The following LFNG variants were observed in gnomAD, a reference collection of about 807,000 sequenced individuals.
The protein encoded by LFNG is beta-1,3-N-acetylglucosaminyltransferase lunatic fringe.
LFNG carries 15 observed loss-of-function variants against 32.7 expected under a neutral mutation model. That is an observed-to-expected ratio of 0.46 (90% confidence interval 0.31 to 0.71). The LOEUF (loss-of-function observed/expected upper bound fraction) is 0.71. LFNG is among the 30% of genes least tolerant of loss of function. LFNG has a pLI of 0.06. For missense variants in LFNG, 520 were observed against 545.7 expected, an observed-to-expected ratio of 0.95 and a Z score of 0.47; for synonymous variants, 274 against 246.8, an observed-to-expected ratio of 1.11 and a Z score of -1.03.
In LFNG at chr7:2,526,561, G is replaced by A. The variant is rs1453100172; in HGVS notation, c.987+152G>A. On this transcript the variant is annotated intron_variant, in intron 6 of 7. Transcript: ENST00000222725. The surrounding 1 kb of genome is among the most constrained non-coding windows in gnomAD (Gnocchi z 6.9). The stretch of plus-strand genomic sequence containing the variant: ...CCAGGGGGGGTCACTCCTGCCATGA[G>A]CTCAAAGCTGTTTATGGCGGGTTGT... 5.9e-6 allele frequency: 5 copies of A among 853,730 alleles called. No individual in the cohort carries two copies. Among genetic ancestry groups the A allele is most frequent in the Non-Finnish European group, 9.2e-6 (5 of 543,100 alleles). 52.9% of individuals were successfully genotyped at this position (853,730 alleles called of 1,614,324 possible).
At chr7:2,517,753 T>C (rs751290732), upstream of LFNG, 2 of 649,490 alleles carry the variant, frequency 3.1e-6, no homozygotes, top group East Asian at 1.3e-4. Flanking sequence ...TTGGCCATGC[T>C]TGGCTGCAGG....
chr7:2,515,096 G>A (rs1027413069), upstream of LFNG, among the ~76,000 whole-genome samples: 4 of 141,082 alleles, frequency 2.8e-5, no homozygotes, highest in East Asian at 2.1e-4. Context: ...CCATCCATCC[G>A]TCTGTCTGTC....
Position 2,526,894 on chromosome 7 carries a change from C to T in LFNG, c.1046C>T (p.Pro349Leu). Residue 349 changes from proline (P) to leucine (L), a missense_variant, in exon 7 of 8, where the codon CCC becomes CTC. Around this residue, in one of 3 missense-constraint regions of LFNG, gnomAD observed 150 missense variants for 159.9 expected, o/e 0.94. Transcript: ENST00000222725. The surrounding 1 kb of genome is among the most constrained non-coding windows in gnomAD (Gnocchi z 6.9). ...CGGAACGCCGTCCACGTGAAGGGGC[C>T]CTTCTCGGTGGAGGCCGACCCATCC... Reference protein sequence around the residue: ...NKRNAVHVKGPFSVEADPSRF... With the variant: ...NKRNAVHVKGLFSVEADPSRF... 2 of 1,612,674 alleles carry T rather than the reference C, an allele frequency of 1.2e-6. No individual in the cohort carries two copies. The highest frequency in any genetic ancestry group is 1.7e-6 in the Non-Finnish European group (2 of 1,179,948).
chr7:2,522,986 C>G (rs1347491481), intron 1 of LFNG, among the ~76,000 whole-genome samples: 2 of 152,322 alleles, frequency 1.3e-5, no homozygotes, highest in Admixed American at 1.3e-4. Flanking sequence ...CGACCGGCAC[C>G]CCCGCACCCC....
At chr7:2,517,925 G>C (rs117336489), upstream of LFNG, 7 of 1,154,994 alleles carry the variant, frequency 6.1e-6, no homozygotes, top group Non-Finnish European at 6.5e-6. Flanking sequence ...CAGCTGCTGC[G>C]TGGAGAATAA....
upstream of LFNG, chr7:2,518,516 G>C (rs376851039): frequency 1.3e-5 from 13 of 1,019,482 alleles, no homozygotes; most frequent in Middle Eastern, 2.0e-4. Flanking sequence ...AATTTTTTCA[G>C]AGCACCTACT....
chr7:2,512,732 A>G (rs879615262), intron 1 of LFNG: 15 of 1,609,102 alleles, frequency 9.3e-6, no homozygotes, highest in Non-Finnish European at 1.3e-5. Flanking sequence ...TCCTCCTAGA[A>G]TGCCACTCAG....
chr7:2,522,578 C>T (rs117357970), intron 1 of LFNG, among the ~76,000 whole-genome samples: 1 of 127,060 alleles, frequency 7.9e-6, no homozygotes, highest in African/African-American at 2.6e-5. Context: ...CCCCGGCCCC[C>T]GCCCCCGTCC....
chr7:2,518,865 G>C (rs1303296203), upstream of LFNG, among the ~76,000 whole-genome samples: 1 of 152,016 alleles, frequency 6.6e-6, no homozygotes, highest in Non-Finnish European at 1.5e-5. Context: ...CCTCACCCTC[G>C]GCTGCCGGCG....
At chr7:2,517,761 A>G (rs547265247), upstream of LFNG, 2 of 682,924 alleles carry the variant, frequency 2.9e-6, no homozygotes, top group South Asian at 2.9e-5. Context: ...GCTTGGCTGC[A>G]GGGGATTGAG....
upstream of LFNG, chr7:2,518,494 A>G: frequency 1.1e-6 from 1 of 892,144 alleles, no homozygotes; most frequent in Non-Finnish European, 1.9e-6. Context: ...GGGGCCAGAC[A>G]TTTATCCAGT....
At chr7:2,523,540 T>C (rs2128376424) in intron 1 of LFNG, 1 of 152,374 alleles carries the variant, frequency 6.6e-6, no homozygotes, top group South Asian at 2.1e-4. Context: ...CACTCAGCCA[T>C]GCCAGGGTGC....
chr7:2,525,155 C>G, intron 2 of LFNG, 64 bp from the exon 3 acceptor site: 1 of 1,451,850 alleles, frequency 6.9e-7, no homozygotes, highest in Admixed American at 1.7e-5. Context: ...TGTGGCGTCC[C>G]CCAGGCCAGG....
upstream of LFNG, among the ~76,000 whole-genome samples, chr7:2,515,928 C>T (rs909130818): frequency 1.3e-5 from 2 of 152,250 alleles, no homozygotes; most frequent in African/African-American, 2.4e-5. Context: ...CCTTGGGAGC[C>T]GGCTGTGCTG....
chr7:2,526,693 TG>T lies in LFNG; in HGVS notation c.988-139del, dbSNP rs1215162320. ...GGTCCCCAGTTTGGGACCTTATTCC[TG>T]GGGTGTGCAGGGCAGGTGTCCTTCC... On this transcript the variant is annotated intron_variant, in intron 6 of 7. Transcript: ENST00000222725. This position sits in a 1 kb window ranked among gnomAD's most constrained non-coding sequence, Gnocchi z 6.9. 3 of 802,924 alleles carry T rather than the reference TG, an allele frequency of 3.7e-6. No homozygotes were observed. The highest frequency in any genetic ancestry group is 3.5e-5 in the African/African-American group (2 of 57,966). The allele number at this position is 802,924 out of a possible 1,614,324, so 49.7% of individuals were successfully genotyped here.
At position 2,526,477 on chromosome 7, in the gene LFNG, G is replaced by A; in HGVS notation, c.987+68G>A. The A allele has an allele frequency of 6.5e-7, 1 of 1,545,824 alleles. No homozygotes were observed. The highest frequency in any genetic ancestry group is 8.8e-7 in the Non-Finnish European group (1 of 1,133,678). On this transcript the variant is annotated intron_variant, in intron 6 of 7. Coordinates refer to ENST00000222725, the MANE Select transcript of LFNG (RefSeq NM_001040167.2). This position sits in a 1 kb window ranked among gnomAD's most constrained non-coding sequence, Gnocchi z 6.9. ...GAAGGGACGTGTGGCTGCCGAGAGG[G>A]GCGCAGTGGGGTGGGGCACTGTTCT...
upstream of LFNG, chr7:2,513,392 T>A: frequency 6.7e-7 from 1 of 1,492,678 alleles, no homozygotes; most frequent in South Asian, 1.3e-5. Context: ...GCCTGGAATA[T>A]CCTTTGATGC....
At chr7:2,523,165 C>T (rs540170337) in intron 1 of LFNG, among the ~76,000 whole-genome samples, 30 of 152,360 alleles carry the variant, frequency 2.0e-4, no homozygotes, top group African/African-American at 5.5e-4. Flanking sequence ...TTTAACCCAG[C>T]GGCGCAGTGG....
At chr7:2,519,765 T>TGCTGCGCTGCTGG, upstream of LFNG, 1 of 682,830 alleles carries the variant, frequency 1.5e-6, no homozygotes, top group South Asian at 6.6e-5. Context: ...GGGACACTGG[T>TGCTGCGCTGCTGG]GCTGCGCTGC....
Sources: gnomAD v4.1 joint callset for allele counts (sites outside exome capture counted in the v4.1 genomes callset) on GRCh38, gnomAD v4.1.1 for gene constraint, gnomAD v4.1.1 regional missense constraint, Gnocchi (gnomAD v3.1) non-coding constraint, MANE v1.5 for transcripts, NCBI Gene and HGNC (gene_info 2026-07-23, HGNC 2026-07-21) for gene names.